The following NANOS1 variants were observed in gnomAD, a reference collection of about 807,000 sequenced individuals.
The protein encoded by NANOS1 is nanos C2HC-type zinc finger 1.
NANOS1 carries 1 observed loss-of-function variant against 1.1 expected under a neutral mutation model. That is an observed-to-expected ratio of 0.88 (90% CI 0.31 to 4.20). The LOEUF is 4.20. Among genes scored for constraint, NANOS1 ranks in the 30% most tolerant of loss-of-function variants. NANOS1 has a pLI of 0.17. For synonymous variants in NANOS1, 252 were observed against 230.6 expected, an observed-to-expected ratio of 1.09 and a Z score of -0.84; for missense variants, 537 against 457.9, an observed-to-expected ratio of 1.17 and a Z score of -1.58.
Position 119,033,700 on chromosome 10 carries a change from A to C in NANOS1, c.*3020A>C, listed in dbSNP as rs1178758641. The C allele has an allele frequency of 6.0e-6, 1 of 166,774 alleles. No homozygotes were observed. Among genetic ancestry groups the C allele is most frequent in the Non-Finnish European group, 1.5e-5 (1 of 68,132 alleles). 10.3% of individuals were successfully genotyped at this position (166,774 alleles called of 1,614,324 possible). ...TCATAGATTTGATTTATTAAACCAA[A>C]ATTATACATATTAAAATTATATCAC... is the stretch of plus-strand genomic sequence containing the variant. On this transcript the variant is annotated 3_prime_UTR_variant, in exon 1 of 1. Transcript: ENST00000425699.
At position 119,029,891 on chromosome 10, in the gene NANOS1, C is replaced by T. The variant is rs746106271; in HGVS notation, c.90C>T (p.Ser30=). The T allele has an allele frequency of 3.8e-6, 5 of 1,332,984 alleles. No homozygotes were observed. Among genetic ancestry groups the T allele is most frequent in the South Asian group, 2.0e-5 (1 of 48,888 alleles). 82.6% of individuals were successfully genotyped at this position (1,332,984 alleles called of 1,614,324 possible). The part of the protein sequence containing the change: ...MALVPSARYV[S]APGPAHPQPF... ...TCGTGCCCAGCGCCCGCTACGTGAG[C>T]GCCCCGGGCCCGGCGCACCCGCAGC... The change falls in exon 1 of 1, where the codon AGC becomes AGT. Residue 30 remains serine, a synonymous_variant. Transcript: ENST00000425699.
Position 119,030,300 on chromosome 10 carries a change from C to CCCGCCG in NANOS1, c.514_519dup (p.Ala172_Ala173dup), listed in dbSNP as rs538539239. 1,169 of 1,154,186 alleles carry CCCGCCG rather than the reference C, an allele frequency of 1.0e-3. 2 individuals are homozygous for CCCGCCG. The African/African-American group carries it at 0.014, about 13-fold the overall frequency. 71.5% of individuals were successfully genotyped at this position (1,154,186 alleles called of 1,614,324 possible). A position where few individuals can be genotyped will look rare whatever the true frequency, so the allele number is the denominator to read the frequency against. ...CGCCGCCGTGCTGCTGGGCTGCGCGCCCGCCGCCGCCGCCGCCGCCACCAC... is the reference window on the plus strand; with the variant it reads ...CGCCGCCGTGCTGCTGGGCTGCGCGCCCGCCGCCGCCGCCGCCGCCGCCGCCACCAC... On this transcript the variant is annotated inframe_insertion, in exon 1 of 1. Transcript: ENST00000425699. The surrounding 1 kb of genome is among the most constrained non-coding windows in gnomAD (Gnocchi z 5.3).
At position 119,029,734 on chromosome 10, in the gene NANOS1, C is replaced by T; in HGVS notation, c.-68C>T. On this transcript the variant is annotated 5_prime_UTR_variant, in exon 1 of 1. Transcript: ENST00000425699. ...ACCCCGCGGCAGGCCGGCGGGCAGG[C>T]TCGGCGTGTCCCTTCCGTCCGGCCC... 1 of 872,802 alleles carries T rather than the reference C, an allele frequency of 1.1e-6. No homozygotes were observed. Among genetic ancestry groups the T allele is most frequent in the Non-Finnish European group, 1.4e-6 (1 of 730,284 alleles). 54.1% of individuals were successfully genotyped at this position (872,802 alleles called of 1,614,324 possible).
rs925192958 is a variant in NANOS1 at position 119,033,101 on chromosome 10, CAGG to C, written c.*2424_*2426del. 19 of 166,752 alleles carry C rather than the reference CAGG, an allele frequency of 1.1e-4. No homozygotes were observed. Among genetic ancestry groups the C allele is most frequent in the African/African-American group, 4.3e-4 (18 of 41,424 alleles). The allele number at this position is 166,752 out of a possible 1,614,324, so 10.3% of individuals were successfully genotyped here. On this transcript the variant is annotated 3_prime_UTR_variant, in exon 1 of 1. Transcript: ENST00000425699. ...ATCCCAGCTCCTCAGGAGGCTGAGG[CAGG>C]AGAATTGCTTGAAACCAGGAGGCGG...
rs1848069170 is a variant in NANOS1 at position 119,032,733 on chromosome 10, TG to T, written c.*2056del. The T allele has an allele frequency of 6.0e-6, 1 of 167,098 alleles. No individual in the cohort carries two copies. The highest frequency in any genetic ancestry group is 6.5e-5 in the Admixed American group (1 of 15,284). The allele number at this position is 167,098 out of a possible 1,614,324, so 10.4% of individuals were successfully genotyped here. The stretch of plus-strand genomic sequence containing the variant: ...GGGGCTTTGGCATAGCCTCAATATA[TG>T]GGAGTCACTGTGATGAGATGTGCCT... On this transcript the variant is annotated 3_prime_UTR_variant, in exon 1 of 1. Coordinates refer to ENST00000425699, the MANE Select transcript of NANOS1 (RefSeq NM_199461.4).
rs1848012698 is a variant in NANOS1 at position 119,029,816 on chromosome 10, C to G, written c.15C>G (p.Pro5=). The G allele has an allele frequency of 1.7e-6, 2 of 1,145,754 alleles. No individual in the cohort carries two copies. Among genetic ancestry groups the G allele is most frequent in the Non-Finnish European group, 2.1e-6 (2 of 937,228 alleles). 71.0% of individuals were successfully genotyped at this position (1,145,754 alleles called of 1,614,324 possible). MEAF[P]WAPRSPRRGR... is the part of the protein sequence containing the mutation. ...GCAGCCCGCCCATGGAGGCTTTCCC[C>G]TGGGCGCCCCGCTCGCCCCGCCGCG... Residue 5 remains proline, a synonymous_variant, in exon 1 of 1, where the codon CCC becomes CCG. Coordinates refer to ENST00000425699, the MANE Select transcript of NANOS1 (RefSeq NM_199461.4).
rs1848036215 is a variant in NANOS1 at position 119,030,799 on chromosome 10, T to A, written c.*119T>A. 8.2e-7 allele frequency: 1 copy of A among 1,218,112 alleles called. No individual in the cohort carries two copies. Among genetic ancestry groups the A allele is most frequent in the African/African-American group, 1.6e-5 (1 of 62,980 alleles). 75.5% of individuals were successfully genotyped at this position (1,218,112 alleles called of 1,614,324 possible). On this transcript the variant is annotated 3_prime_UTR_variant, in exon 1 of 1. Coordinates refer to ENST00000425699, the MANE Select transcript of NANOS1 (RefSeq NM_199461.4). The surrounding 1 kb of genome is among the most constrained non-coding windows in gnomAD (Gnocchi z 5.3). ...TCAGCGGTCGGCTCGACATGGGACG[T>A]CGTCCTGGTGGTTTTTGAAAAGCAG...
chr10:119,033,050 G>A lies in NANOS1; in HGVS notation c.*2370G>A, dbSNP rs1848075078. The A allele has an allele frequency of 6.1e-6, 1 of 165,092 alleles. No homozygotes were observed. The highest frequency in any genetic ancestry group is 2.4e-5 in the African/African-American group (1 of 41,448). 10.2% of individuals were successfully genotyped at this position (165,092 alleles called of 1,614,324 possible). ...GTCTCTACTAAAAATACAAAAATTA[G>A]CCGGGTGGTGTGGTGGGCGCCTGTA... On this transcript the variant is annotated 3_prime_UTR_variant, in exon 1 of 1. Transcript: ENST00000425699.
At position 119,029,779 on chromosome 10, in the gene NANOS1, G is replaced by A. The variant is rs1172703480; in HGVS notation, c.-23G>A. The A allele has an allele frequency of 4.0e-6, 4 of 988,868 alleles. No homozygotes were observed. The highest frequency in any genetic ancestry group is 4.8e-6 in the Non-Finnish European group (4 of 833,526). The allele number at this position is 988,868 out of a possible 1,614,324, so 61.3% of individuals were successfully genotyped here. ...CGGCCCGCGCCGGCGGCGGGGAGGC[G>A]GCGCGCGGCCCGCAGCCCGCCCATG... On this transcript the variant is annotated 5_prime_UTR_variant, in exon 1 of 1. Coordinates refer to ENST00000425699, the MANE Select transcript of NANOS1 (RefSeq NM_199461.4).
rs1446089795 is a variant in NANOS1, at chr10:119,032,951, C to T, written c.*2271C>T. On this transcript the variant is annotated 3_prime_UTR_variant, in exon 1 of 1. Transcript: ENST00000425699. ...GGTGTGGTGGCTCATGCCTGTAATCCCAGCACTTTGGGAGGCGAGGCGGGG... is the reference window on the plus strand; with the variant it reads ...GGTGTGGTGGCTCATGCCTGTAATCTCAGCACTTTGGGAGGCGAGGCGGGG... 1.8e-5 allele frequency: 3 copies of T among 167,146 alleles called. No individual in the cohort carries two copies. In the Admixed American group the frequency reaches 2.0e-4, roughly 11 times the overall value. The allele number at this position is 167,146 out of a possible 1,614,324, so 10.4% of individuals were successfully genotyped here.
rs1848045194 is a variant in NANOS1, at chr10:119,031,302, C to T, written c.*622C>T. 1 of 167,082 alleles carries T rather than the reference C, an allele frequency of 6.0e-6. No homozygotes were observed. Among genetic ancestry groups the T allele is most frequent in the Non-Finnish European group, 1.5e-5 (1 of 68,122 alleles). 10.3% of individuals were successfully genotyped at this position (167,082 alleles called of 1,614,324 possible). ...TTGGGCGGGTATTCCCCGCTTGTGG[C>T]TTGTTTCTGTCCTAGCTGGAGGTGT... On this transcript the variant is annotated 3_prime_UTR_variant, in exon 1 of 1. Coordinates refer to ENST00000425699, the MANE Select transcript of NANOS1 (RefSeq NM_199461.4).
rs1239538520 is a variant in NANOS1, at chr10:119,030,400, G to A, written c.599G>A (p.Gly200Glu). The A allele has an allele frequency of 6.8e-6, 9 of 1,315,054 alleles. 1 individual carries two copies. The highest frequency in any genetic ancestry group is 9.7e-7 in the Non-Finnish European group (1 of 1,026,238). 81.5% of individuals were successfully genotyped at this position (1,315,054 alleles called of 1,614,324 possible). A position where few individuals can be genotyped will look rare whatever the true frequency, so the allele number is the denominator to read the frequency against. The change falls in exon 1 of 1, where the codon GGG becomes GAG. Residue 200 changes from glycine (G) to glutamate (E), a missense_variant. By Grantham distance (98) the Gly-to-Glu change is moderately conservative. Transcript: ENST00000425699. This position sits in a 1 kb window ranked among gnomAD's most constrained non-coding sequence, Gnocchi z 5.3. ...AAEPRLHAASGAAAARLLKPE... is the reference protein window; with the variant it reads ...AAEPRLHAASEAAAARLLKPE... ...GAGCCCCGGCTGCACGCGGCCTCCG[G>A]GGCGGCGGCCGCCCGGCTGCTGAAG...
Position 119,030,213 on chromosome 10 carries a change from C to G in NANOS1, c.412C>G (p.Pro138Ala). Residue 138 changes from proline to alanine, a missense_variant, in exon 1 of 1, where the codon CCC becomes GCC. Coordinates refer to ENST00000425699, the MANE Select transcript of NANOS1 (RefSeq NM_199461.4). This position sits in a 1 kb window ranked among gnomAD's most constrained non-coding sequence, Gnocchi z 5.3. The part of the protein sequence containing the change: ...ELRALELCAG[P>A]AEAGLLEERF... ...GCGCGCGCTGGAGCTGTGCGCGGGC[C>G]CCGCCGAGGCCGGGCTGCTGGAGGA... is the stretch of plus-strand genomic sequence containing the variant. The G allele has an allele frequency of 1.5e-6, 2 of 1,290,624 alleles. No individual in the cohort carries two copies. The highest frequency in any genetic ancestry group is 2.0e-6 in the Non-Finnish European group (2 of 1,023,760). The allele number at this position is 1,290,624 out of a possible 1,614,324, so 79.9% of individuals were successfully genotyped here. A position where few individuals can be genotyped will look rare whatever the true frequency, so the allele number is the denominator to read the frequency against.
rs752787470 is a variant in NANOS1 at position 119,030,527 on chromosome 10, C to A, written c.726C>A (p.Pro242=). Residue 242 remains proline, a synonymous_variant, in exon 1 of 1, where the codon CCC becomes CCA. Coordinates refer to ENST00000425699, the MANE Select transcript of NANOS1 (RefSeq NM_199461.4). The surrounding 1 kb of genome is among the most constrained non-coding windows in gnomAD (Gnocchi z 5.3). ...LKGPDGRVLC[P]VLRRYTCPLC... Reference sequence around the variant, plus strand: ...GCCCCGACGGGCGAGTGCTGTGTCCCGTGCTGCGCCGCTACACGTGTCCCC... The same window carrying A: ...GCCCCGACGGGCGAGTGCTGTGTCCAGTGCTGCGCCGCTACACGTGTCCCC... The A allele has an allele frequency of 6.6e-7, 1 of 1,522,696 alleles. No individual in the cohort carries two copies. Among genetic ancestry groups the A allele is most frequent in the Non-Finnish European group, 8.8e-7 (1 of 1,139,054 alleles). The allele number at this position is 1,522,696 out of a possible 1,614,324, so 94.3% of individuals were successfully genotyped here.
In NANOS1 at chr10:119,029,835, C is replaced by G; in HGVS notation, c.34C>G (p.Arg12Gly). 8.4e-7 allele frequency: 1 copy of G among 1,194,026 alleles called. No individual in the cohort carries two copies. The highest frequency in any genetic ancestry group is 1.0e-6 in the Non-Finnish European group (1 of 967,772). 74.0% of individuals were successfully genotyped at this position (1,194,026 alleles called of 1,614,324 possible). ...EAFPWAPRSP[R>G]RGRAPPPMAL... ...TTTCCCCTGGGCGCCCCGCTCGCCC[C>G]GCCGCGGCCGCGCCCCCCCGCCCAT... Residue 12 changes from arginine to glycine, a missense_variant, in exon 1 of 1, where the codon CGC becomes GGC. By Grantham distance (125) the Arg-to-Gly change is moderately radical. Transcript: ENST00000425699.
At position 119,030,690 on chromosome 10, in the gene NANOS1, C is replaced by G; in HGVS notation, c.*10C>G. The G allele has an allele frequency of 7.8e-7, 1 of 1,286,482 alleles. No homozygotes were observed. Among genetic ancestry groups the G allele is most frequent in the Non-Finnish European group, 9.8e-7 (1 of 1,018,772 alleles). The allele number at this position is 1,286,482 out of a possible 1,614,324, so 79.7% of individuals were successfully genotyped here. ...CAAGAAGCTGCGCTGAAGGCCCGGG[C>G]TCCCGGCCGCCCAGGGTCGCCGCCG... On this transcript the variant is annotated 3_prime_UTR_variant, in exon 1 of 1. Transcript: ENST00000425699. This position sits in a 1 kb window ranked among gnomAD's most constrained non-coding sequence, Gnocchi z 5.3.
Position 119,030,398 on chromosome 10 carries a change from CG to C in NANOS1, c.601del (p.Ala201ArgfsTer7). 1 of 1,325,144 alleles carries C rather than the reference CG, an allele frequency of 7.5e-7. No homozygotes were observed. The highest frequency in any genetic ancestry group is 9.7e-7 in the Non-Finnish European group (1 of 1,033,246). 82.1% of individuals were successfully genotyped at this position (1,325,144 alleles called of 1,614,324 possible). A position where few individuals can be genotyped will look rare whatever the true frequency, so the allele number is the denominator to read the frequency against. On this transcript the variant is annotated frameshift_variant, in exon 1 of 1. Coordinates refer to ENST00000425699, the MANE Select transcript of NANOS1 (RefSeq NM_199461.4). LOFTEE classifies it low-confidence loss of function (END_TRUNC). This position sits in a 1 kb window ranked among gnomAD's most constrained non-coding sequence, Gnocchi z 5.3. ...AAEPRLHAAS[G>X]AAAARLLKPE... is the part of the protein sequence containing the mutation. ...CCGAGCCCCGGCTGCACGCGGCCTCCGGGGCGGCGGCCGCCCGGCTGCTGAA... is the reference window on the plus strand; with the variant it reads ...CCGAGCCCCGGCTGCACGCGGCCTCCGGGCGGCGGCCGCCCGGCTGCTGAA...
Position 119,030,605 on chromosome 10 carries a change from C to T in NANOS1, c.804C>T (p.Ser268=), listed in dbSNP as rs760012934. The T allele has an allele frequency of 8.7e-6, 13 of 1,493,818 alleles. No homozygotes were observed. The African/African-American group carries it at 1.7e-4, about 20-fold the overall frequency. 92.5% of individuals were successfully genotyped at this position (1,493,818 alleles called of 1,614,324 possible). A position where few individuals can be genotyped will look rare whatever the true frequency, so the allele number is the denominator to read the frequency against. ...ACACCATCAAGTACTGCCCGCTCTC[C>T]AAAGTGCCGCCGCCGCCCGCCCGCC... ...NAHTIKYCPL[S]KVPPPPARPP... Residue 268 remains serine, a synonymous_variant, in exon 1 of 1, where the codon TCC becomes TCT. Coordinates refer to ENST00000425699, the MANE Select transcript of NANOS1 (RefSeq NM_199461.4). This position sits in a 1 kb window ranked among gnomAD's most constrained non-coding sequence, Gnocchi z 5.3.
At position 119,029,884 on chromosome 10, in the gene NANOS1, ACGTGAGCGCCCCGGGC is replaced by A. The variant is rs1345217944; in HGVS notation, c.85_100del (p.Val29ArgfsTer118). 7.6e-7 allele frequency: 1 copy of A among 1,319,322 alleles called. No homozygotes were observed. Among genetic ancestry groups the A allele is most frequent in the Non-Finnish European group, 9.7e-7 (1 of 1,035,362 alleles). 81.7% of individuals were successfully genotyped at this position (1,319,322 alleles called of 1,614,324 possible). ...ATGGCGCTCGTGCCCAGCGCCCGCT[ACGTGAGCGCCCCGGGC>A]CCGGCGCACCCGCAGCCCTTCAGCT... On this transcript the variant is annotated frameshift_variant, in exon 1 of 1. Transcript: ENST00000425699. LOFTEE classifies it high-confidence loss of function.
Sources: gnomAD v4.1 joint callset for allele counts on GRCh38, gnomAD v4.1.1 for gene constraint, Gnocchi (gnomAD v3.1) non-coding constraint, MANE v1.5 for transcripts, NCBI Gene and HGNC (gene_info 2026-07-23, HGNC 2026-07-21) for gene names.